Variants in ARHGAP8 observed in about 807,000 individuals in gnomAD.
ARHGAP8 encodes rho GTPase-activating protein 8.
In ARHGAP8, 62 loss-of-function variants were observed where a neutral mutation model predicts 46.1. That is an observed-to-expected ratio of 1.34 (90% CI 1.10 to 1.66). ARHGAP8 has a LOEUF of 1.66. Among genes scored for constraint, ARHGAP8 ranks in the 40% most tolerant of loss-of-function variants. ARHGAP8 has a pLI of 0.00. For synonymous variants in ARHGAP8, 375 were observed against 243.1 expected (o/e 1.54, Z -5.05); for missense variants, 923 against 568.4 (o/e 1.62, Z -6.34).
rs953282796 is a variant in ARHGAP8, at chr22:44,839,520, G to A, written c.597-5749G>A. Among the ~76,000 whole-genome samples, 8 of 152,286 alleles carry A rather than the reference G, an allele frequency of 5.3e-5. No homozygotes were observed. In the South Asian group the frequency reaches 6.2e-4, roughly 12 times the overall value. Reference sequence around the variant, plus strand: ...CTGATAAATCATCTGACATAGAGACGTTCCCAGGGGGCCGTGGAGCCCAGC... The same window carrying A: ...CTGATAAATCATCTGACATAGAGACATTCCCAGGGGGCCGTGGAGCCCAGC... On this transcript the variant is annotated intron_variant, in intron 7 of 11. Coordinates refer to ENST00000356099, the MANE Select transcript of ARHGAP8 (RefSeq NM_181335.3).
intron 11 of ARHGAP8, among the ~76,000 whole-genome samples, chr22:44,860,758 CAG>C (rs58308748): frequency 0.4 from 60,789 of 151,848 alleles, 12,737 homozygotes; most frequent in Middle Eastern, 0.46. Flanking sequence ...GTGCAGCCAA[CAG>C]GGGAAGGTTC....
At chr22:44,815,154 G>A (rs1929645518) in intron 5 of ARHGAP8, among the ~76,000 whole-genome samples, 1 of 152,196 alleles carries the variant, frequency 6.6e-6, no homozygotes, top group African/African-American at 2.4e-5. Flanking sequence ...GGCACACAAG[G>A]CTGAGTCCAG....
chr22:44,814,565 A>T, intron 4 of ARHGAP8, 107 bp from the exon 5 acceptor site: 1 of 897,038 alleles, frequency 1.1e-6, no homozygotes, highest in South Asian at 1.6e-5. Flanking sequence ...TGTTGAGAGG[A>T]GTAACATTCT....
intron 10 of ARHGAP8, among the ~76,000 whole-genome samples, chr22:44,855,339 T>C (rs983088401): frequency 1.3e-5 from 2 of 151,868 alleles, no homozygotes; most frequent in African/African-American, 4.8e-5. Flanking sequence ...TTTTTAAATA[T>C]TTTTTTGTAA....
intron 2 of ARHGAP8, among the ~76,000 whole-genome samples, chr22:44,801,147 A>G (rs866329901): frequency 3.9e-4 from 7 of 17,932 alleles, no homozygotes; most frequent in African/African-American, 1.7e-3. Context: ...GTGTGGGGGC[A>G]CCTCTCCCCG....
chr22:44,787,940 T>TC (rs34697504), intron 2 of ARHGAP8, among the ~76,000 whole-genome samples: 24 of 118,174 alleles, frequency 2.0e-4, no homozygotes, highest in South Asian at 5.1e-4. Context: ...TTTTTTTTTT[T>TC]CCCCCCAAAT....
At chr22:44,807,402 G>T (rs535230788) in intron 3 of ARHGAP8, among the ~76,000 whole-genome samples, 6 of 150,950 alleles carry the variant, frequency 4.0e-5, no homozygotes, top group African/African-American at 7.4e-5. Flanking sequence ...TACACCATAG[G>T]GGGTGGCGGG....
chr22:44,850,767 C>T (rs773061004), intron 10 of ARHGAP8: 5 of 151,980 alleles, frequency 3.3e-5, no homozygotes, highest in Non-Finnish European at 5.9e-5. Flanking sequence ...GAGTTCAAGA[C>T]CAGCCTGGTC....
At chr22:44,770,475 G>A (rs1018703210) in intron 1 of ARHGAP8, among the ~76,000 whole-genome samples, 8 of 151,324 alleles carry the variant, frequency 5.3e-5, no homozygotes, top group Admixed American at 1.3e-4. Flanking sequence ...ATGCCATCTC[G>A]GCTCATTGCA....
chr22:44,859,766 C>T lies in ARHGAP8; in HGVS notation c.913C>T (p.Gln305Ter), dbSNP rs757600105. The T allele has an allele frequency of 1.2e-6, 2 of 1,614,058 alleles. No individual in the cohort carries two copies. The highest frequency in any genetic ancestry group is 1.7e-6 in the Non-Finnish European group (2 of 1,180,032). The change falls in exon 11 of 12, where the codon CAG (glutamine) becomes TAG (stop). Residue 305 changes from glutamine (Q) to a stop codon, truncating the protein, a stop_gained. Transcript: ENST00000356099. LOFTEE classifies it high-confidence loss of function. ...ESSLRVTGCR[Q>*]ILRSLPEHNY... is the part of the protein sequence containing the mutation. ...CAGCCTGCGTGTCACTGGCTGCCGCCAGATCTTACGGAGCCTCCCAGAGCA... is the reference window on the plus strand; with the variant it reads ...CAGCCTGCGTGTCACTGGCTGCCGCTAGATCTTACGGAGCCTCCCAGAGCA...
At chr22:44,850,016 C>T (rs1329123262) in intron 10 of ARHGAP8, 2 of 152,050 alleles carry the variant, frequency 1.3e-5, no homozygotes, top group African/African-American at 4.8e-5. Context: ...GTGGCCATTC[C>T]AGAAAGACCA....
At chr22:44,818,741 G>A (rs532538167) in intron 5 of ARHGAP8, among the ~76,000 whole-genome samples, 2 of 151,360 alleles carry the variant, frequency 1.3e-5, no homozygotes, top group African/African-American at 4.9e-5. Context: ...CCATCAGCCC[G>A]GCTGGAGTGC....
chr22:44,791,933 A>T (rs546176216), intron 2 of ARHGAP8, among the ~76,000 whole-genome samples: 3 of 152,146 alleles, frequency 2.0e-5, no homozygotes, highest in Admixed American at 2.0e-4. Context: ...AAACATTCCA[A>T]TGCAGGTGCA....
intron 4 of ARHGAP8, chr22:44,808,643 T>C (rs1277371614): frequency 1.1e-6 from 1 of 933,732 alleles, no homozygotes. Flanking sequence ...GGCACTCATT[T>C]TTTTTTTTCT....
intron 1 of ARHGAP8, among the ~76,000 whole-genome samples, chr22:44,762,376 T>C (rs1202391850): frequency 6.6e-6 from 1 of 152,006 alleles, no homozygotes; most frequent in Non-Finnish European, 1.5e-5. Flanking sequence ...TTCAAGGCTG[T>C]AGTGAGCTAT....
chr22:44,845,469 C>G (rs1041066282), intron 8 of ARHGAP8, 127 bp downstream of exon 8: 2 of 1,276,542 alleles, frequency 1.6e-6, no homozygotes, highest in African/African-American at 3.0e-5. Context: ...GGCTCAAGCA[C>G]AGTGGCTCCA....
At chr22:44,768,185 CA>C (rs554717326) in intron 1 of ARHGAP8, among the ~76,000 whole-genome samples, 69 of 151,676 alleles carry the variant, frequency 4.5e-4, no homozygotes, top group African/African-American at 1.6e-3. Flanking sequence ...TTAGTAGAGA[CA>C]GGGTTTCACC....
chr22:44,854,236 TC>T (rs2070166977), intron 10 of ARHGAP8, among the ~76,000 whole-genome samples: 1 of 132,212 alleles, frequency 7.6e-6, no homozygotes, highest in Non-Finnish European at 1.7e-5. Flanking sequence ...TCCCCTTGTA[TC>T]TTTTTTTTTT....
chr22:44,860,908 T>G (rs931191589), intron 11 of ARHGAP8, among the ~76,000 whole-genome samples: 4 of 151,984 alleles, frequency 2.6e-5, no homozygotes, highest in Non-Finnish European at 4.4e-5. Flanking sequence ...CATCCCAGAG[T>G]CTGTTGGAGA....
Sources: allele counts gnomAD v4.1 joint callset (sites outside exome capture counted in the v4.1 genomes callset), GRCh38; gene constraint gnomAD v4.1.1; transcripts MANE v1.5; gene names NCBI Gene and HGNC (gene_info 2026-07-23, HGNC 2026-07-21).